Variants in FBXO16 observed in about 807,000 individuals in gnomAD.
FBXO16 encodes F-box only protein 16.
Under a neutral mutation model 41.0 loss-of-function variants are expected in FBXO16, and 31 were observed. The observed-to-expected ratio is 0.76, with a 90% CI of 0.57 to 1.02. The LOEUF is 1.02. FBXO16 is among the 50% of genes least tolerant of loss of function. FBXO16 has a pLI of 0.00. For missense variants in FBXO16, 361 were observed against 346.2 expected, an observed-to-expected ratio of 1.04 and a Z score of -0.34; for synonymous variants, 133 against 117.8, an observed-to-expected ratio of 1.13 and a Z score of -0.84.
At chr8:28,452,114 C>G (rs1222854416) in intron 6 of FBXO16, 130 bp downstream of exon 6, 1 of 830,122 alleles carries the variant, frequency 1.2e-6, no homozygotes, top group African/African-American at 1.7e-5. Flanking sequence ...TGCTCTATTA[C>G]TTTTTGCTTC....
intron 7 of FBXO16, among the ~76,000 whole-genome samples, chr8:28,432,495 AAAC>A (rs1290239038): frequency 1.3e-5 from 2 of 151,544 alleles, no homozygotes; most frequent in Non-Finnish European, 2.9e-5. Flanking sequence ...AAACAAAACA[AAAC>A]AACAACAACA....
chr8:28,467,863 G>A (rs1053637490), intron 3 of FBXO16, among the ~76,000 whole-genome samples: 7 of 152,174 alleles, frequency 4.6e-5, no homozygotes, highest in African/African-American at 1.7e-4. Flanking sequence ...ATGGTCAGAG[G>A]TAATTTGTTT....
chr8:28,472,636 G>A (rs986219718), intron 3 of FBXO16, among the ~76,000 whole-genome samples: 1 of 152,168 alleles, frequency 6.6e-6, no homozygotes, highest in Non-Finnish European at 1.5e-5. Context: ...CAGCTACTCA[G>A]GAGGCTGAGG....
chr8:28,471,150 G>A (rs1430322827), intron 3 of FBXO16, among the ~76,000 whole-genome samples: 1 of 152,136 alleles, frequency 6.6e-6, no homozygotes, highest in African/African-American at 2.4e-5. Flanking sequence ...CAAAGTAGAA[G>A]AGCTTTTCAG....
chr8:28,431,824 T>G (rs1651457589), intron 7 of FBXO16, among the ~76,000 whole-genome samples: 1 of 152,204 alleles, frequency 6.6e-6, no homozygotes. Context: ...AGCTTGTTCA[T>G]TTTTTGAATA....
chr8:28,443,626 A>T (rs1485009791), intron 7 of FBXO16, among the ~76,000 whole-genome samples: 1 of 152,130 alleles, frequency 6.6e-6, no homozygotes, highest in African/African-American at 2.4e-5. Flanking sequence ...CTCCATCTTG[A>T]ATAGGAGCTG....
chr8:28,472,504 G>T (rs552410710), intron 3 of FBXO16, among the ~76,000 whole-genome samples: 1 of 152,064 alleles, frequency 6.6e-6, no homozygotes, highest in South Asian at 2.1e-4. Flanking sequence ...GGAGGTCAAG[G>T]GGGGGCGGGG....
In FBXO16 at chr8:28,463,527, T is replaced by C. The variant is rs1321362777; in HGVS notation, c.342+85A>G. 8 of 1,346,154 alleles carry C rather than the reference T, an allele frequency of 5.9e-6. No individual in the cohort carries two copies. The East Asian group carries it at 1.2e-4, about 20-fold the overall frequency. 83.4% of individuals were successfully genotyped at this position (1,346,154 alleles called of 1,614,324 possible). A position where few individuals can be genotyped will look rare whatever the true frequency, so the allele number is the denominator to read the frequency against. On this transcript the variant is annotated intron_variant, in intron 4 of 8. Coordinates refer to ENST00000380254, the MANE Select transcript of FBXO16 (RefSeq NM_172366.4). ...ATATATGTGTGTGTGTGTATGCCTGTGTTTCCCCTTAACTTCTAGTTTCAA... is the reference window on the plus strand; with the variant it reads ...ATATATGTGTGTGTGTGTATGCCTGCGTTTCCCCTTAACTTCTAGTTTCAA...
chr8:28,432,264 A>G (rs1387564420), intron 7 of FBXO16, among the ~76,000 whole-genome samples: 1 of 151,966 alleles, frequency 6.6e-6, no homozygotes, highest in African/African-American at 2.4e-5. Context: ...ACCTGAGGTC[A>G]GGAGTTCGAG....
intron 8 of FBXO16, among the ~76,000 whole-genome samples, 177 bp from the exon 9 acceptor site, chr8:28,428,913 T>A (rs1344975955): frequency 6.6e-6 from 1 of 152,190 alleles, no homozygotes; most frequent in Non-Finnish European, 1.5e-5. Context: ...CACCCTGAGC[T>A]ACAGATAATA....
intron 7 of FBXO16, among the ~76,000 whole-genome samples, chr8:28,438,714 G>A (rs1802720401): frequency 6.6e-6 from 1 of 152,194 alleles, no homozygotes; most frequent in African/African-American, 2.4e-5. Flanking sequence ...GCTCAGAGAG[G>A]TTACACAACT....
intron 6 of FBXO16, 93 bp from the exon 7 acceptor site, chr8:28,447,366 C>G: frequency 9.0e-7 from 1 of 1,108,562 alleles, no homozygotes; most frequent in Non-Finnish European, 1.3e-6. Context: ...TTTGTTGTTC[C>G]TGTGATTTAA....
chr8:28,428,597 G>A lies in FBXO16; in HGVS notation c.*130C>T. The A allele has an allele frequency of 6.4e-7, 1 of 1,551,252 alleles. No homozygotes were observed. Among genetic ancestry groups the A allele is most frequent in the Non-Finnish European group, 8.7e-7 (1 of 1,146,982 alleles). On this transcript the variant is annotated 3_prime_UTR_variant, in exon 9 of 9. Coordinates refer to ENST00000380254, the MANE Select transcript of FBXO16 (RefSeq NM_172366.4). ...TGGCTCTGGAACCTGGATGAGTCAT[G>A]CTTGGGGCCCAGGGTGCCTGTGAGG...
At chr8:28,452,924 A>T (rs770404234) in intron 5 of FBXO16, among the ~76,000 whole-genome samples, 2 of 61,160 alleles carry the variant, frequency 3.3e-5, no homozygotes, top group African/African-American at 7.4e-5. Context: ...AAAAAAAAAG[A>T]AAAAAAGGAA....
At chr8:28,445,134 A>G (rs2291792) in intron 7 of FBXO16, among the ~76,000 whole-genome samples, 4,935 of 152,142 alleles carry the variant, frequency 0.032, 191 homozygotes, top group East Asian at 0.14. Context: ...CTCTTTATCA[A>G]AACTACGAAA....
At chr8:28,463,194 TTGTG>T (rs1351478938) in intron 4 of FBXO16, among the ~76,000 whole-genome samples, 7 of 149,568 alleles carry the variant, frequency 4.7e-5, no homozygotes, top group Admixed American at 1.3e-4. Flanking sequence ...GTGTGTATGT[TTGTG>T]TATGTGTTTG....
intron 5 of FBXO16, 108 bp from the exon 6 acceptor site, chr8:28,452,584 T>C: frequency 9.9e-7 from 1 of 1,011,618 alleles, no homozygotes; most frequent in Non-Finnish European, 1.5e-6. Context: ...GCGGATCACC[T>C]GAGGTCAGAA....
intron 4 of FBXO16, among the ~76,000 whole-genome samples, chr8:28,462,815 T>C (rs916527700): frequency 1.3e-5 from 2 of 152,240 alleles, no homozygotes; most frequent in Admixed American, 1.3e-4. Flanking sequence ...ACCTGCCCAC[T>C]TGGATCTCTT....
chr8:28,428,824 C>T (rs962216113), intron 8 of FBXO16, 88 bp from the exon 9 acceptor site: 56 of 1,386,644 alleles, frequency 4.0e-5, no homozygotes, highest in Admixed American at 6.5e-5. Flanking sequence ...TGACATAAAA[C>T]GATTTTACAA....
Sources: gnomAD v4.1 joint callset for allele counts (sites outside exome capture counted in the v4.1 genomes callset) on GRCh38, gnomAD v4.1.1 for gene constraint, MANE v1.5 for transcripts, NCBI Gene and HGNC (gene_info 2026-07-23, HGNC 2026-07-21) for gene names.